RBL2: variants seen among roughly 807,000 people sequenced by gnomAD.
RBL2 encodes the protein retinoblastoma-like protein 2.
A neutral mutation model predicts 126.0 loss-of-function variants in RBL2; 56 were observed. The observed-to-expected ratio is 0.44, with a 90% confidence interval of 0.36 to 0.56. The LOEUF (loss-of-function observed/expected upper bound fraction) is 0.56, where lower values mean the gene tolerates loss of function less well. RBL2 is among the 20% of genes least tolerant of loss of function. The probability of loss-of-function intolerance (pLI) is 0.00; values close to 1 mark genes in which losing one functional copy is unlikely to be tolerated. For missense variants in RBL2, 1,229 were observed against 1,398.2 expected (o/e 0.88, Z 1.93); for synonymous variants, 454 against 478.5 (o/e 0.95, Z 0.67).
At chr16:53,484,257 ACAG>A (rs993274798) in intron 21 of RBL2, among the ~76,000 whole-genome samples, 5 of 152,234 alleles carry the variant, frequency 3.3e-5, no homozygotes, top group Non-Finnish European at 5.9e-5. Flanking sequence ...GAAAAAAAGA[ACAG>A]AATAATAGCA....
chr16:53,458,145 T>A (rs1297677930), intron 8 of RBL2, among the ~76,000 whole-genome samples: 1 of 152,246 alleles, frequency 6.6e-6, no homozygotes, highest in Non-Finnish European at 1.5e-5. Context: ...AGAAAACATG[T>A]AGGTTTGTTT....
In RBL2 at chr16:53,480,480, G is replaced by T. The variant is rs551551045; in HGVS notation, c.2882-87G>T. The T allele has an allele frequency of 6.0e-5, 66 of 1,108,332 alleles. 1 individual carries two copies. In the South Asian group the frequency reaches 9.0e-4, roughly 15 times the overall value. The allele number at this position is 1,108,332 out of a possible 1,614,324, so 68.7% of individuals were successfully genotyped here. On this transcript the variant is annotated intron_variant, in intron 19 of 21. Coordinates refer to ENST00000262133, the MANE Select transcript of RBL2 (RefSeq NM_005611.4). The stretch of plus-strand genomic sequence containing the variant: ...CTGTTATTAGCAAGTAGTGCAGGTA[G>T]CTGTTCCCTTTCTCCTACTTTTAAA...
At chr16:53,484,688 G>C (rs758040151) in intron 21 of RBL2, among the ~76,000 whole-genome samples, 2 of 152,180 alleles carry the variant, frequency 1.3e-5, no homozygotes, top group Non-Finnish European at 2.9e-5. Context: ...GTGGGGAATA[G>C]AGTTTCTGCT....
At chr16:53,446,633 ATCTT>A (rs2058065023) in intron 3 of RBL2, among the ~76,000 whole-genome samples, 2 of 152,264 alleles carry the variant, frequency 1.3e-5, no homozygotes, top group South Asian at 2.1e-4. Flanking sequence ...AGTCTGGAAT[ATCTT>A]TAAGGAGGGA....
chr16:53,465,563 A>C lies in RBL2; in HGVS notation c.1824A>C (p.Lys608Asn). Residue 608 changes from lysine to asparagine, a missense_variant, in exon 13 of 22, where the codon AAA (lysine) becomes AAC (asparagine). By Grantham distance (94) the Lys-to-Asn change is moderately conservative. Coordinates refer to ENST00000262133, the MANE Select transcript of RBL2 (RefSeq NM_005611.4). ...AACCAGAGTCTCCACTCTGGGAAAA[A>C]ATTAGAGACAATGAAAACAGAGTTC... is the stretch of plus-strand genomic sequence containing the variant. ...AWKPESPLWEKIRDNENRVPT... is the reference protein window; with the variant it reads ...AWKPESPLWENIRDNENRVPT... 1 of 1,597,944 alleles carries C rather than the reference A, an allele frequency of 6.3e-7. No individual in the cohort carries two copies. The highest frequency in any genetic ancestry group is 1.3e-5 in the African/African-American group (1 of 74,088).
Position 53,464,421 on chromosome 16 carries a change from G to A in RBL2, c.1698+58G>A, listed in dbSNP as rs965375637. On this transcript the variant is annotated intron_variant, in intron 12 of 21. Transcript: ENST00000262133. ...TTGTAGATGAGACCAACTTCCTGTTGTTAGTCATTTAGTTCAAGTTAACAT... is the reference window on the plus strand; with the variant it reads ...TTGTAGATGAGACCAACTTCCTGTTATTAGTCATTTAGTTCAAGTTAACAT... 1.3e-5 allele frequency: 18 copies of A among 1,379,182 alleles called. No homozygotes were observed. The African/African-American group carries it at 1.8e-4, about 14-fold the overall frequency. 85.4% of individuals were successfully genotyped at this position (1,379,182 alleles called of 1,614,324 possible). A position where few individuals can be genotyped will look rare whatever the true frequency, so the allele number is the denominator to read the frequency against.
At chr16:53,445,699 C>G (rs919391530) in intron 3 of RBL2, 1 of 152,200 alleles carries the variant, frequency 6.6e-6, no homozygotes, top group African/African-American at 2.4e-5. Context: ...TTGTTTAGCA[C>G]TTATCCACAG....
chr16:53,435,122 C>T (rs1271811508), intron 1 of RBL2, among the ~76,000 whole-genome samples: 1 of 152,096 alleles, frequency 6.6e-6, no homozygotes, highest in Non-Finnish European at 1.5e-5. Context: ...GTAGAATGAA[C>T]TAGTGTCGTT....
At chr16:53,469,756 A>G (rs2058303119) in intron 14 of RBL2, among the ~76,000 whole-genome samples, 160 bp from the exon 15 acceptor site, 1 of 152,220 alleles carries the variant, frequency 6.6e-6, no homozygotes, top group East Asian at 1.9e-4. Context: ...AAAGTTCACT[A>G]ATGAATATAG....
At chr16:53,461,280 G>A (rs899381576) in intron 9 of RBL2, among the ~76,000 whole-genome samples, 1 of 152,166 alleles carries the variant, frequency 6.6e-6, no homozygotes, top group African/African-American at 2.4e-5. Context: ...ATCACTTGAG[G>A]CCAGGAGTTC....
At chr16:53,440,112 A>G (rs2058000826) in intron 2 of RBL2, among the ~76,000 whole-genome samples, 1 of 152,110 alleles carries the variant, frequency 6.6e-6, no homozygotes, top group South Asian at 2.1e-4. Context: ...CCTGGCCAAT[A>G]TGGTGAAACC....
In RBL2 at chr16:53,480,009, G is replaced by C. The variant is rs146249549; in HGVS notation, c.2881+18G>C. On this transcript the variant is annotated intron_variant, in intron 19 of 21. Coordinates refer to ENST00000262133, the MANE Select transcript of RBL2 (RefSeq NM_005611.4). ...AGATAGAAGTAAGTGGGATCTTTGT[G>C]AACTACAAGACAAAATTAGGAGCTT... is the stretch of plus-strand genomic sequence containing the variant. 1,142 of 1,515,494 alleles carry C rather than the reference G, an allele frequency of 7.5e-4. 4 individuals are homozygous for C. Among genetic ancestry groups the C allele is most frequent in the Non-Finnish European group, 5.3e-4 (589 of 1,104,272 alleles). The allele number at this position is 1,515,494 out of a possible 1,614,324, so 93.9% of individuals were successfully genotyped here.
At chr16:53,438,843 CAAAAAAAAA>C (rs11302382) in intron 1 of RBL2, among the ~76,000 whole-genome samples, 164 bp from the exon 2 acceptor site, 6 of 30,524 alleles carry the variant, frequency 2.0e-4, no homozygotes, top group African/African-American at 2.8e-4. Flanking sequence ...GATTCCATCT[CAAAAAAAAA>C]AAAAAAAAAA....
intron 3 of RBL2, among the ~76,000 whole-genome samples, chr16:53,443,741 G>A (rs1482779781): frequency 6.6e-6 from 1 of 152,098 alleles, no homozygotes; most frequent in Non-Finnish European, 1.5e-5. Context: ...AATAAATAAT[G>A]TTTGCTTCTC....
chr16:53,450,284 A>C (rs2058102864), intron 4 of RBL2, among the ~76,000 whole-genome samples: 1 of 152,052 alleles, frequency 6.6e-6, no homozygotes. Flanking sequence ...GTATACGCTG[A>C]GGTAAGTGGT....
At chr16:53,442,614 G>A (rs1291344652) in intron 2 of RBL2, 44 bp from the exon 3 acceptor site, 1 of 1,410,508 alleles carries the variant, frequency 7.1e-7, no homozygotes, top group African/African-American at 1.4e-5. Flanking sequence ...GTATACTTTA[G>A]CCTTATGTTA....
intron 2 of RBL2, among the ~76,000 whole-genome samples, chr16:53,439,903 G>A (rs1598085977): frequency 1.4e-5 from 2 of 141,592 alleles, no homozygotes; most frequent in Admixed American, 1.5e-4. Context: ...AGCCCTGAAT[G>A]ATGGAGCAGC....
At chr16:53,480,938 C>A (rs28666548) in intron 20 of RBL2, 169 bp downstream of exon 20, 97,217 of 578,516 alleles carry the variant, frequency 0.17, 8,788 homozygotes, top group South Asian at 0.28. Flanking sequence ...GAGGGCAGAT[C>A]ACTTGAGGTC....
At chr16:53,480,392 G>C in intron 19 of RBL2, 175 bp from the exon 20 acceptor site, 1 of 618,916 alleles carries the variant, frequency 1.6e-6, no homozygotes, top group South Asian at 2.1e-5. Context: ...TTATGGCATA[G>C]GGAGAAAGTT....
Sources: gnomAD v4.1 joint callset for allele counts (sites outside exome capture counted in the v4.1 genomes callset) on GRCh38, gnomAD v4.1.1 for gene constraint, MANE v1.5 for transcripts, NCBI Gene and HGNC (gene_info 2026-07-23, HGNC 2026-07-21) for gene names.